Variants in PPP2R5A observed in about 807,000 individuals in gnomAD.
PPP2R5A encodes the protein protein phosphatase 2 regulatory subunit B'alpha, also known as serine/threonine-protein phosphatase 2A 56 kDa regulatory subunit alpha isoform.
A neutral mutation model predicts 64.2 loss-of-function variants in PPP2R5A; 25 were observed. That is an observed-to-expected ratio of 0.39 (90% CI 0.28 to 0.54). The LOEUF (loss-of-function observed/expected upper bound fraction) is 0.54. Among genes scored for constraint, PPP2R5A ranks in the 20% least tolerant of loss-of-function variants. PPP2R5A has a pLI of 0.67. For missense variants in PPP2R5A, 425 were observed against 576.3 expected, an observed-to-expected ratio of 0.74 and a Z score of 2.69; for synonymous variants, 198 against 201.2, an observed-to-expected ratio of 0.98 and a Z score of 0.13.
At chr1:212,348,641 A>G in intron 7 of PPP2R5A, 144 bp downstream of exon 7, 1 of 613,108 alleles carries the variant, frequency 1.6e-6, no homozygotes, top group Non-Finnish European at 2.8e-6. Flanking sequence ...AATTTTTCTT[A>G]TTTTAAAGTA....
In PPP2R5A at chr1:212,314,591, G is replaced by T. The variant is rs937490775; in HGVS notation, c.182-14544G>T. On this transcript the variant is annotated intron_variant, in intron 1 of 12. Transcript: ENST00000261461. ...TTTTTTTTTGAGATGGTGTCTCGCTGTGATGCCCAGGGTGAAGTGCAGTGG... is the reference window on the plus strand; with the variant it reads ...TTTTTTTTTGAGATGGTGTCTCGCTTTGATGCCCAGGGTGAAGTGCAGTGG... Among the ~76,000 whole-genome samples the T allele has an allele frequency of 5.5e-5, 8 of 145,460 alleles. No homozygotes were observed. The Admixed American group carries it at 5.5e-4, about 10-fold the overall frequency.
At chr1:212,292,397 A>G (rs1357442357) in intron 1 of PPP2R5A, among the ~76,000 whole-genome samples, 1 of 152,030 alleles carries the variant, frequency 6.6e-6, no homozygotes, top group African/African-American at 2.4e-5. Context: ...AAATCCTGTT[A>G]TGGTACCAAA....
chr1:212,359,646 C>G (rs576164351), intron 12 of PPP2R5A, among the ~76,000 whole-genome samples: 1 of 152,068 alleles, frequency 6.6e-6, no homozygotes, highest in Admixed American at 6.5e-5. Flanking sequence ...AGCATATTAC[C>G]TGTTCTGTTT....
At position 212,353,884 on chromosome 1, in the gene PPP2R5A, C is replaced by T. The variant is rs539674141; in HGVS notation, c.928-2742C>T. 1.9e-4 allele frequency among the ~76,000 whole-genome samples: 29 copies of T among 152,196 alleles called. No individual in the cohort carries two copies. In the East Asian group the frequency reaches 4.6e-3, roughly 24 times the overall value. On this transcript the variant is annotated intron_variant, in intron 8 of 12. Transcript: ENST00000261461. ...AGTCATGTGCTGCATAATGACATTT[C>T]GTTTAATAACAGGCTACGGGCCGGG... is the stretch of plus-strand genomic sequence containing the variant.
intron 1 of PPP2R5A, among the ~76,000 whole-genome samples, chr1:212,322,058 C>T (rs1344392202): frequency 2.6e-5 from 4 of 151,366 alleles, no homozygotes; most frequent in Admixed American, 6.6e-5. Context: ...CGTGGCGGCG[C>T]GCGCCTGCAA....
At chr1:212,293,889 T>C (rs1272635051) in intron 1 of PPP2R5A, among the ~76,000 whole-genome samples, 1 of 152,200 alleles carries the variant, frequency 6.6e-6, no homozygotes, top group African/African-American at 2.4e-5. Flanking sequence ...CTGTTGGGAA[T>C]TGATTTCACT....
chr1:212,290,773 A>G (rs1290603209), intron 1 of PPP2R5A, among the ~76,000 whole-genome samples: 1 of 152,180 alleles, frequency 6.6e-6, no homozygotes. Context: ...TAATGCAACC[A>G]TTGTAGTATG....
chr1:212,345,757 T>C lies in PPP2R5A; in HGVS notation c.574-46T>C, dbSNP rs189669726. ...TAAGATCAAAATTAGAATAAAGCTT[T>C]AGCTCGATTATTTTTTAAAAGTAAT... On this transcript the variant is annotated intron_variant, in intron 4 of 12. Coordinates refer to ENST00000261461, the MANE Select transcript of PPP2R5A (RefSeq NM_006243.4). 1.7e-5 allele frequency: 26 copies of C among 1,559,624 alleles called. No individual in the cohort carries two copies. In the African/African-American group the frequency reaches 3.2e-4, roughly 19 times the overall value.
chr1:212,361,737 C>CTT lies in PPP2R5A; in HGVS notation c.*970_*971dup, dbSNP rs946101599. 7 of 152,778 alleles carry CTT rather than the reference C, an allele frequency of 4.6e-5. No homozygotes were observed. Among genetic ancestry groups the CTT allele is most frequent in the African/African-American group, 1.7e-4 (7 of 41,574 alleles). The allele number at this position is 152,778 out of a possible 1,614,324, so 9.5% of individuals were successfully genotyped here. On this transcript the variant is annotated 3_prime_UTR_variant, in exon 13 of 13. Transcript: ENST00000261461. ...TTACTTGGTCAAGTATTTCTCACAT[C>CTT]TTTTGTTATCAGAGTACCATTCCAA...
chr1:212,291,172 G>A (rs1311430416), intron 1 of PPP2R5A, among the ~76,000 whole-genome samples: 2 of 151,820 alleles, frequency 1.3e-5, no homozygotes, highest in South Asian at 2.1e-4. Flanking sequence ...GCAGTGGCAC[G>A]ATCTCTCGGC....
chr1:212,320,671 G>A (rs1209641841), intron 1 of PPP2R5A, among the ~76,000 whole-genome samples: 4 of 131,988 alleles, frequency 3.0e-5, no homozygotes, highest in African/African-American at 1.0e-4. Flanking sequence ...TGGGGCGGCT[G>A]GCCGGGCGGG....
At chr1:212,322,754 A>T (rs997167171) in intron 1 of PPP2R5A, among the ~76,000 whole-genome samples, 5 of 95,118 alleles carry the variant, frequency 5.3e-5, no homozygotes, top group Non-Finnish European at 1.1e-4. Flanking sequence ...ATTAATTCTC[A>T]TTTTATTTAT....
chr1:212,330,463 C>T (rs558237124), intron 2 of PPP2R5A, among the ~76,000 whole-genome samples: 2 of 151,734 alleles, frequency 1.3e-5, no homozygotes, highest in Admixed American at 6.6e-5. Flanking sequence ...GTGAGAGGAT[C>T]GCTTGAGCCC....
intron 1 of PPP2R5A, among the ~76,000 whole-genome samples, chr1:212,318,049 G>A (rs1659192474): frequency 6.6e-6 from 1 of 152,214 alleles, no homozygotes; most frequent in Non-Finnish European, 1.5e-5. Flanking sequence ...GCTTTTGTGA[G>A]TTTTAAAAGG....
intron 2 of PPP2R5A, among the ~76,000 whole-genome samples, chr1:212,330,719 GA>G (rs1659488523): frequency 6.6e-6 from 1 of 152,066 alleles, no homozygotes. Context: ...TGTGTAGTAG[GA>G]AATATAAGTT....
At chr1:212,291,360 G>A (rs1472534732) in intron 1 of PPP2R5A, among the ~76,000 whole-genome samples, 3 of 152,176 alleles carry the variant, frequency 2.0e-5, no homozygotes, top group East Asian at 1.9e-4. Context: ...GGGATTACAG[G>A]CGTGAGCCAC....
chr1:212,300,302 T>C (rs1422729472), intron 1 of PPP2R5A, among the ~76,000 whole-genome samples: 21 of 152,228 alleles, frequency 1.4e-4, no homozygotes, highest in Admixed American at 1.2e-3. Flanking sequence ...AAGTAACTTC[T>C]ATAGAACAGG....
At chr1:212,334,603 A>G (rs1659560058) in intron 3 of PPP2R5A, among the ~76,000 whole-genome samples, 2 of 152,188 alleles carry the variant, frequency 1.3e-5, no homozygotes, top group South Asian at 2.1e-4. Context: ...TTCAGTGTTT[A>G]TCTAGGAATG....
intron 11 of PPP2R5A, chr1:212,358,184 G>C (rs2102451611): frequency 6.6e-6 from 1 of 152,412 alleles, no homozygotes; most frequent in Admixed American, 6.5e-5. Flanking sequence ...ATTTGCAGAG[G>C]ATACACAAAC....
Sources: gnomAD v4.1 joint callset for allele counts (sites outside exome capture counted in the v4.1 genomes callset) on GRCh38, gnomAD v4.1.1 for gene constraint, MANE v1.5 for transcripts, NCBI Gene and HGNC (gene_info 2026-07-23, HGNC 2026-07-21) for gene names.